RBFOX1: variants seen among roughly 807,000 people sequenced by gnomAD.
The protein encoded by RBFOX1 is RNA binding protein fox-1 homolog 1.
RBFOX1 carries 8 observed loss-of-function variants against 57.7 expected under a neutral mutation model. The observed-to-expected ratio is 0.14, with a 90% CI of 0.08 to 0.25. The LOEUF is 0.25. Among genes scored for constraint, RBFOX1 ranks in the 10% least tolerant of loss-of-function variants. The pLI is 1.00. For synonymous variants in RBFOX1, 326 were observed against 222.4 expected, an observed-to-expected ratio of 1.47 and a Z score of -4.15; for missense variants, 611 against 548.5, an observed-to-expected ratio of 1.11 and a Z score of -1.14.
At chr16:7,431,145 A>T (rs543705766) in intron 4 of RBFOX1, 1 of 152,276 alleles carries the variant, frequency 6.6e-6, no homozygotes, top group East Asian at 1.9e-4. Context: ...GCACTGTGCT[A>T]GTGTTTTGCG....
intron 3 of RBFOX1, among the ~76,000 whole-genome samples, chr16:5,693,786 C>T (rs917321980): frequency 6.6e-6 from 1 of 152,168 alleles, no homozygotes; most frequent in Non-Finnish European, 1.5e-5. Context: ...CTTCCTCTCC[C>T]TTCTTATAAG....
intron 3 of RBFOX1, among the ~76,000 whole-genome samples, chr16:6,871,342 C>G (rs751609840): frequency 6.6e-6 from 1 of 152,068 alleles, no homozygotes; most frequent in Non-Finnish European, 1.5e-5. Flanking sequence ...TGTGCCATCA[C>G]GCCTGGCTAA....
intron 3 of RBFOX1, among the ~76,000 whole-genome samples, chr16:6,737,725 G>T (rs1315819148): frequency 6.6e-6 from 1 of 152,070 alleles, no homozygotes. Context: ...GAATGTCTAG[G>T]TACACAAATG....
chr16:6,589,761 A>G (rs1339968049), intron 2 of RBFOX1, among the ~76,000 whole-genome samples: 1 of 152,170 alleles, frequency 6.6e-6, no homozygotes, highest in Non-Finnish European at 1.5e-5. Flanking sequence ...TCAAAATTAA[A>G]CTATAAACTA....
intron 3 of RBFOX1, among the ~76,000 whole-genome samples, chr16:6,846,876 GA>G (rs2093783416): frequency 6.7e-6 from 1 of 149,886 alleles, no homozygotes; most frequent in East Asian, 2.0e-4. Flanking sequence ...AAGCCTGGAA[GA>G]AAATTACAAA....
intron 2 of RBFOX1, among the ~76,000 whole-genome samples, chr16:6,494,629 G>A (rs182095325): frequency 6.6e-6 from 1 of 152,332 alleles, no homozygotes; most frequent in African/African-American, 2.4e-5. Flanking sequence ...ACATAAAGCT[G>A]TCTTGAACAT....
In RBFOX1 at chr16:7,709,403, G is replaced by C. The variant is rs2083528075; in HGVS notation, c.1071+272G>C. 3.9e-6 allele frequency: 5 copies of C among 1,274,200 alleles called. No individual in the cohort carries two copies. The African/African-American group carries it at 4.6e-5, about 12-fold the overall frequency. 78.9% of individuals were successfully genotyped at this position (1,274,200 alleles called of 1,614,324 possible). A position where few individuals can be genotyped will look rare whatever the true frequency, so the allele number is the denominator to read the frequency against. On this transcript the variant is annotated intron_variant, in intron 15 of 15. Transcript: ENST00000550418. ...CCTTAATGGAATAATTAGTCATTTTGATAATTAAATCCATCACTAACAGAA... is the reference window on the plus strand; with the variant it reads ...CCTTAATGGAATAATTAGTCATTTTCATAATTAAATCCATCACTAACAGAA...
At chr16:5,827,560 T>G (rs2056109759) in intron 3 of RBFOX1, among the ~76,000 whole-genome samples, 1 of 152,060 alleles carries the variant, frequency 6.6e-6, no homozygotes. Flanking sequence ...AGGTAGTAAC[T>G]GTTTTAGGCT....
At position 5,354,333 on chromosome 16, in the gene RBFOX1, C is replaced by T. The variant is rs117810370; in HGVS notation, c.220-112883C>T. Reference sequence around the variant, plus strand: ...TCACTGTCTTTCAGTCTCTCCTTGTCGATCTGTAGTCTGACCCAATATTCC... The same window carrying T: ...TCACTGTCTTTCAGTCTCTCCTTGTTGATCTGTAGTCTGACCCAATATTCC... On this transcript the variant is annotated intron_variant, in intron 1 of 2. Transcript: ENST00000585867. 1.1e-4 allele frequency among the ~76,000 whole-genome samples: 16 copies of T among 152,260 alleles called. No individual in the cohort carries two copies. In the East Asian group the frequency reaches 1.4e-3, roughly 13 times the overall value.
intron 3 of RBFOX1, among the ~76,000 whole-genome samples, chr16:6,895,446 GTGTATATATATATATA>G (rs1337863792): frequency 5.3e-5 from 3 of 57,098 alleles, no homozygotes; most frequent in African/African-American, 2.6e-4. Flanking sequence ...GTGTGTGTGT[GTGTATATATATATATA>G]TATATATATA....
At chr16:7,538,458 A>G (rs2082075742) in intron 5 of RBFOX1, among the ~76,000 whole-genome samples, 1 of 152,116 alleles carries the variant, frequency 6.6e-6, no homozygotes, top group African/African-American at 2.4e-5. Flanking sequence ...TGTTGCTGTT[A>G]TTTTATTTAA....
At chr16:5,792,996 G>A (rs77330045) in intron 3 of RBFOX1, among the ~76,000 whole-genome samples, 4,901 of 152,322 alleles carry the variant, frequency 0.032, 121 homozygotes, top group Non-Finnish European at 0.051. Flanking sequence ...TGGAGTGGAG[G>A]AAGTGGAAGA....
At chr16:5,693,062 C>T (rs1402956729) in intron 3 of RBFOX1, among the ~76,000 whole-genome samples, 1 of 152,170 alleles carries the variant, frequency 6.6e-6, no homozygotes, top group East Asian at 1.9e-4. Flanking sequence ...TTTGTATCTT[C>T]CCGAGAAGGC....
At chr16:6,446,282 C>T (rs4786868) in intron 2 of RBFOX1, among the ~76,000 whole-genome samples, 30,825 of 152,142 alleles carry the variant, frequency 0.2, 3,573 homozygotes, top group East Asian at 0.44. Flanking sequence ...GGATGACAGG[C>T]GTGAGCCACC....
intron 3 of RBFOX1, among the ~76,000 whole-genome samples, chr16:5,746,904 C>G (rs1201000735): frequency 6.6e-6 from 1 of 152,184 alleles, no homozygotes; most frequent in East Asian, 1.9e-4. Flanking sequence ...ATTTGACTTC[C>G]TCTTTTCCTA....
At chr16:6,475,876 C>A (rs1242621755) in intron 2 of RBFOX1, among the ~76,000 whole-genome samples, 1 of 152,158 alleles carries the variant, frequency 6.6e-6, no homozygotes, top group African/African-American at 2.4e-5. Flanking sequence ...ATCTACGTCG[C>A]ATTTTACTTC....
At chr16:7,436,617 C>G (rs2098723343) in intron 4 of RBFOX1, among the ~76,000 whole-genome samples, 1 of 152,214 alleles carries the variant, frequency 6.6e-6, no homozygotes, top group African/African-American at 2.4e-5. Context: ...GCTGGGTTAA[C>G]TCTTTCTTTG....
At chr16:6,703,814 A>G (rs376825406) in intron 3 of RBFOX1, 2 of 152,372 alleles carry the variant, frequency 1.3e-5, no homozygotes, top group African/African-American at 4.8e-5. Flanking sequence ...GCTGACTGCC[A>G]TCTGGGTGGC....
intron 4 of RBFOX1, among the ~76,000 whole-genome samples, chr16:7,432,158 CTG>C (rs2098687243): frequency 6.6e-6 from 1 of 152,234 alleles, no homozygotes; most frequent in Non-Finnish European, 1.5e-5. Flanking sequence ...GCAGGGGTGC[CTG>C]CTGGCACCCA....
Sources: allele counts gnomAD v4.1 joint callset (sites outside exome capture counted in the v4.1 genomes callset), GRCh38; gene constraint gnomAD v4.1.1; transcripts MANE v1.5; gene names NCBI Gene and HGNC (gene_info 2026-07-23, HGNC 2026-07-21).